Variants in IQCJ observed in about 807,000 individuals in gnomAD.
IQCJ encodes the protein IQ motif containing J.
In IQCJ, 9 loss-of-function variants were observed where a neutral mutation model predicts 11.0. That is an observed-to-expected ratio of 0.82 (90% CI 0.49 to 1.43). The LOEUF (loss-of-function observed/expected upper bound fraction) is 1.43. Among genes scored for constraint, IQCJ ranks in the 40% most tolerant of loss-of-function variants. The probability of loss-of-function intolerance (pLI) is 0.00; values close to 1 mark genes in which losing one functional copy is unlikely to be tolerated. For missense variants in IQCJ, 146 were observed against 133.2 expected (o/e 1.10, Z -0.47); for synonymous variants, 55 against 51.3 (o/e 1.07, Z -0.31).
chr3:159,246,956 A>G (rs1393208129), intron 2 of IQCJ, among the ~76,000 whole-genome samples: 1 of 152,214 alleles, frequency 6.6e-6, no homozygotes, highest in African/African-American at 2.4e-5. Flanking sequence ...GAACTTTGTT[A>G]AGAAGTGAGC....
chr3:159,233,207 G>A (rs539391386), intron 1 of IQCJ, among the ~76,000 whole-genome samples: 60 of 152,122 alleles, frequency 3.9e-4, no homozygotes, highest in African/African-American at 1.2e-3. Flanking sequence ...GAATTAAGTC[G>A]GTTGGGGATG....
intron 2 of IQCJ, among the ~76,000 whole-genome samples, chr3:159,247,956 A>C (rs1727367895): frequency 6.6e-6 from 1 of 152,188 alleles, no homozygotes; most frequent in Non-Finnish European, 1.5e-5. Context: ...GCTGAGCCCC[A>C]GTAGCTGATA....
At chr3:159,103,274 G>T (rs1718044517) in intron 1 of IQCJ, among the ~76,000 whole-genome samples, 1 of 152,110 alleles carries the variant, frequency 6.6e-6, no homozygotes, top group Non-Finnish European at 1.5e-5. Flanking sequence ...GGAAATACGT[G>T]GTTTTCCTGT....
intron 1 of IQCJ, among the ~76,000 whole-genome samples, chr3:159,124,617 G>A (rs1387491960): frequency 6.6e-6 from 1 of 152,144 alleles, no homozygotes; most frequent in Non-Finnish European, 1.5e-5. Context: ...CTGTTTGGAT[G>A]TATGTGTTCA....
At chr3:159,072,297 T>C (rs1035044900) in intron 1 of IQCJ, among the ~76,000 whole-genome samples, 2 of 152,018 alleles carry the variant, frequency 1.3e-5, no homozygotes, top group African/African-American at 4.8e-5. Flanking sequence ...AAAGACTCTC[T>C]GGAGAAGATG....
rs185564604 is a variant in IQCJ, at chr3:159,254,699, T to C, written c.155+1892T>C. 1.2e-3 allele frequency among the ~76,000 whole-genome samples: 182 copies of C among 152,218 alleles called. 1 individual carries two copies. Among genetic ancestry groups the C allele is most frequent in the African/African-American group, 4.3e-3 (179 of 41,552 alleles). Reference sequence around the variant, plus strand: ...TTCCCTCTCCTCTTTCTATCTCCCCTTCTCTCCTCCTTCCTTCTCCCTTCC... The same window carrying C: ...TTCCCTCTCCTCTTTCTATCTCCCCCTCTCTCCTCCTTCCTTCTCCCTTCC... On this transcript the variant is annotated intron_variant, in intron 3 of 3. Coordinates refer to ENST00000397832, the MANE Select transcript of IQCJ (RefSeq NM_001042706.3).
In IQCJ at chr3:159,201,518, T is replaced by TGC. The variant is rs1724333443; in HGVS notation, c.10-44324_10-44323insCG. ...GTGATTCTTTGTGTATCTCTGTGTG[T>TGC]GTGTGTGTGTGTGTGTGTGTAAAAA... On this transcript the variant is annotated intron_variant, in intron 1 of 3. Coordinates refer to ENST00000397832, the MANE Select transcript of IQCJ (RefSeq NM_001042706.3). Among the ~76,000 whole-genome samples, 4 of 151,584 alleles carry TGC rather than the reference T, an allele frequency of 2.6e-5. No individual in the cohort carries two copies. The South Asian group carries it at 8.3e-4, about 32-fold the overall frequency.
At chr3:159,265,322 C>G (rs758260963), downstream of IQCJ, 52 of 1,613,724 alleles carry the variant, frequency 3.2e-5, no homozygotes, top group Admixed American at 2.2e-4. Flanking sequence ...TCTACCTTGA[C>G]CAGCTTGCCA....
chr3:159,181,411 ACCAAG>A (rs1723085539), intron 1 of IQCJ, among the ~76,000 whole-genome samples: 2 of 134,492 alleles, frequency 1.5e-5, no homozygotes, highest in African/African-American at 5.7e-5. Context: ...ACTTGTTAAA[ACCAAG>A]TGAGTGGCTA....
At chr3:159,232,610 T>A (rs1726328195) in intron 1 of IQCJ, among the ~76,000 whole-genome samples, 1 of 152,066 alleles carries the variant, frequency 6.6e-6, no homozygotes. Context: ...CTTCTGTTCT[T>A]TTGCATTTGC....
At chr3:159,256,445 A>G (rs1265362044) in intron 3 of IQCJ, among the ~76,000 whole-genome samples, 1 of 152,206 alleles carries the variant, frequency 6.6e-6, no homozygotes. Context: ...ATTAAATTGC[A>G]TTTGAGAGTA....
At chr3:159,258,960 C>T (rs570030763) in intron 3 of IQCJ, among the ~76,000 whole-genome samples, 1 of 152,246 alleles carries the variant, frequency 6.6e-6, no homozygotes, top group Admixed American at 6.5e-5. Flanking sequence ...GTGCCTTTGC[C>T]CAAAGATCTT....
In IQCJ at chr3:159,091,576, A is replaced by C. The variant is rs114774230; in HGVS notation, c.9+22135A>C. On this transcript the variant is annotated intron_variant, in intron 1 of 3. Coordinates refer to ENST00000397832, the MANE Select transcript of IQCJ (RefSeq NM_001042706.3). ...AACAGATGAATTTGAGAGGGACACA[A>C]ACATTCAGACCATAGCAGTGAGTCT... Among the ~76,000 whole-genome samples, 79 of 151,256 alleles carry C rather than the reference A, an allele frequency of 5.2e-4. 6 individuals are homozygous for C. The highest frequency in any genetic ancestry group is 1.9e-3 in the African/African-American group (77 of 40,864).
At chr3:159,071,154 A>G (rs567621804) in intron 1 of IQCJ, among the ~76,000 whole-genome samples, 1 of 152,178 alleles carries the variant, frequency 6.6e-6, no homozygotes, top group South Asian at 2.1e-4. Flanking sequence ...TTAAAAATTT[A>G]CATAACTCTA....
chr3:159,262,539 T>A lies in IQCJ; in HGVS notation c.156-9T>A. 1 of 1,611,358 alleles carries A rather than the reference T, an allele frequency of 6.2e-7. No individual in the cohort carries two copies. Among genetic ancestry groups the A allele is most frequent in the Non-Finnish European group, 8.5e-7 (1 of 1,178,164 alleles). On this transcript the variant is annotated splice_polypyrimidine_tract_variant and intron_variant, in intron 3 of 3. Coordinates refer to ENST00000397832, the MANE Select transcript of IQCJ (RefSeq NM_001042706.3). ...GTGTGCTGTTTTTTGTTTTGTTTTGTTTTTTCAGCATTCAGCGAGCATGGC... is the reference window on the plus strand; with the variant it reads ...GTGTGCTGTTTTTTGTTTTGTTTTGATTTTTCAGCATTCAGCGAGCATGGC...
chr3:159,135,087 G>C (rs1190755997), intron 1 of IQCJ, among the ~76,000 whole-genome samples: 1 of 152,186 alleles, frequency 6.6e-6, no homozygotes, highest in Non-Finnish European at 1.5e-5. Context: ...TCTGAAGCCA[G>C]TTGGACTCAT....
At chr3:159,234,497 C>A (rs1385528628) in intron 1 of IQCJ, among the ~76,000 whole-genome samples, 3 of 152,044 alleles carry the variant, frequency 2.0e-5, no homozygotes, top group Non-Finnish European at 4.4e-5. Flanking sequence ...TGTTTATGAG[C>A]AGAAGAGTTA....
At chr3:159,220,489 G>A (rs930166767) in intron 1 of IQCJ, among the ~76,000 whole-genome samples, 1 of 152,194 alleles carries the variant, frequency 6.6e-6, no homozygotes, top group South Asian at 2.1e-4. Flanking sequence ...AGAAGAAACC[G>A]GTCCTGTACC....
intron 1 of IQCJ, among the ~76,000 whole-genome samples, chr3:159,214,202 C>T (rs994260151): frequency 9.9e-5 from 15 of 152,170 alleles, no homozygotes; most frequent in African/African-American, 3.4e-4. Context: ...AATCTGTTCA[C>T]TCTCCCTCCT....
Sources: gnomAD v4.1 joint callset for allele counts (sites outside exome capture counted in the v4.1 genomes callset) on GRCh38, gnomAD v4.1.1 for gene constraint, MANE v1.5 for transcripts, NCBI Gene and HGNC (gene_info 2026-07-23, HGNC 2026-07-21) for gene names.